Variants in TAFA2 observed in about 807,000 individuals in gnomAD.
The protein encoded by TAFA2 is chemokine-like protein TAFA-2.
Under a neutral mutation model 18.8 loss-of-function variants are expected in TAFA2, and 7 were observed. The ratio of observed to expected loss-of-function variants is 0.37; its 90% confidence interval spans 0.21 to 0.70. The LOEUF is 0.70. Ranked by LOEUF, TAFA2 falls within the 30% of genes least tolerant of loss-of-function variation. The probability of loss-of-function intolerance (pLI) is 0.53; values close to 1 mark genes in which losing one functional copy is unlikely to be tolerated. For synonymous variants in TAFA2, 60 were observed against 54.2 expected (o/e 1.11, Z -0.47); for missense variants, 122 against 158.1 (o/e 0.77, Z 1.23).
intron 1 of TAFA2, among the ~76,000 whole-genome samples, chr12:61,982,485 G>A (rs915192051): frequency 1.3e-5 from 2 of 151,908 alleles, no homozygotes; most frequent in Non-Finnish European, 2.9e-5. Flanking sequence ...AGGCACAGTG[G>A]CTCACTGTTT....
chr12:62,017,617 T>C lies in TAFA2; in HGVS notation c.-1-150191A>G, dbSNP rs542624469. ...TATTCTGGAGTGTATTTTGTTATAT[T>C]CTCCACCACTGTTTTGAACTGCAAG... On this transcript the variant is annotated intron_variant, in intron 1 of 4. Transcript: ENST00000416284. Among the ~76,000 whole-genome samples, 38 of 152,288 alleles carry C rather than the reference T, an allele frequency of 2.5e-4. 1 individual carries two copies. Among genetic ancestry groups the C allele is most frequent in the African/African-American group, 8.7e-4 (36 of 41,570 alleles).
At chr12:62,091,239 T>C (rs1294464126) in intron 1 of TAFA2, among the ~76,000 whole-genome samples, 1 of 151,952 alleles carries the variant, frequency 6.6e-6, no homozygotes, top group African/African-American at 2.4e-5. Flanking sequence ...AACTATAGCA[T>C]TTATATCTGT....
intron 1 of TAFA2, among the ~76,000 whole-genome samples, chr12:61,930,614 C>A (rs556747655): frequency 6.6e-6 from 1 of 152,346 alleles, no homozygotes; most frequent in African/African-American, 2.4e-5. Context: ...CTCTAATCAT[C>A]ACGCTCTATA....
chr12:61,927,094 A>T (rs904840036), intron 1 of TAFA2, among the ~76,000 whole-genome samples: 43 of 131,692 alleles, frequency 3.3e-4, no homozygotes, highest in African/African-American at 1.2e-3. Context: ...AAAAAAAAAA[A>T]TACAGGCACA....
At chr12:61,998,700 T>C (rs1414343384) in intron 1 of TAFA2, among the ~76,000 whole-genome samples, 1 of 152,138 alleles carries the variant, frequency 6.6e-6, no homozygotes, top group Non-Finnish European at 1.5e-5. Flanking sequence ...ACTGTAAATA[T>C]CACCTTGTAA....
intron 2 of TAFA2, among the ~76,000 whole-genome samples, chr12:61,769,958 A>T (rs993468698): frequency 1.2e-4 from 18 of 152,160 alleles, no homozygotes; most frequent in Admixed American, 1.2e-3. Flanking sequence ...GCACCAGAGA[A>T]AGGTGAATAT....
rs112202183 is a variant in TAFA2 at position 61,936,125 on chromosome 12, T to C, written c.-1-68699A>G. 7.3e-3 allele frequency among the ~76,000 whole-genome samples: 1,115 copies of C among 152,166 alleles called. 16 individuals carry two copies. The highest frequency in any genetic ancestry group is 0.026 in the African/African-American group (1,059 of 41,518). On this transcript the variant is annotated intron_variant, in intron 1 of 4. Coordinates refer to ENST00000416284, the MANE Select transcript of TAFA2 (RefSeq NM_178539.5). ...AACCAATAACACATAAAAAAGATAA[T>C]ATACTATGATCTAATGGGTTTCATC...
chr12:62,081,961 C>A (rs528843295), intron 1 of TAFA2, among the ~76,000 whole-genome samples: 1 of 151,502 alleles, frequency 6.6e-6, no homozygotes, highest in Admixed American at 6.6e-5. Flanking sequence ...CCACCCCCGA[C>A]AGGCCCCAGT....
intron 1 of TAFA2, among the ~76,000 whole-genome samples, chr12:62,242,046 A>T (rs1358402647): frequency 1.3e-5 from 2 of 152,224 alleles, no homozygotes; most frequent in African/African-American, 4.8e-5. Context: ...AAAAAAGGAA[A>T]ATAAAGAGAA....
intron 1 of TAFA2, among the ~76,000 whole-genome samples, chr12:61,904,115 A>G (rs1876235758): frequency 6.6e-6 from 1 of 152,158 alleles, no homozygotes; most frequent in African/African-American, 2.4e-5. Context: ...TATCAACTAC[A>G]TTATTAATCT....
In TAFA2 at chr12:61,958,014, C is replaced by G. The variant is rs192355063; in HGVS notation, c.-1-90588G>C. Reference sequence around the variant, plus strand: ...ACCTCCATCTACAATAGCATCTCACCCCAGCTCCTCAGTTAACCTACATTA... The same window carrying G: ...ACCTCCATCTACAATAGCATCTCACGCCAGCTCCTCAGTTAACCTACATTA... On this transcript the variant is annotated intron_variant, in intron 1 of 4. Transcript: ENST00000416284. 2.2e-4 allele frequency among the ~76,000 whole-genome samples: 33 copies of G among 152,172 alleles called. No individual in the cohort carries two copies. In the East Asian group the frequency reaches 4.3e-3, roughly 20 times the overall value.
chr12:62,172,584 A>G (rs1218732752), intron 1 of TAFA2, among the ~76,000 whole-genome samples: 1 of 152,224 alleles, frequency 6.6e-6, no homozygotes, highest in Non-Finnish European at 1.5e-5. Flanking sequence ...TTTCTGTGAC[A>G]TTCATGATGG....
At chr12:62,095,035 T>C (rs1408677586) in intron 1 of TAFA2, among the ~76,000 whole-genome samples, 1 of 152,238 alleles carries the variant, frequency 6.6e-6, no homozygotes, top group Admixed American at 6.5e-5. Context: ...ATTATTCCTG[T>C]TTATCTAACC....
At chr12:62,220,979 C>A (rs1455906270) in intron 1 of TAFA2, among the ~76,000 whole-genome samples, 1 of 151,798 alleles carries the variant, frequency 6.6e-6, no homozygotes, top group South Asian at 2.1e-4. Context: ...TGGTAGCGGG[C>A]GCCTGTAGTC....
chr12:62,194,149 C>G (rs1268134423), upstream of TAFA2, among the ~76,000 whole-genome samples: 1 of 152,142 alleles, frequency 6.6e-6, no homozygotes, highest in East Asian at 1.9e-4. Flanking sequence ...TTTTAAAACA[C>G]CTGGCACTGT....
intron 1 of TAFA2, among the ~76,000 whole-genome samples, chr12:62,174,940 C>A (rs973955113): frequency 6.6e-6 from 1 of 152,080 alleles, no homozygotes; most frequent in Non-Finnish European, 1.5e-5. Flanking sequence ...TTATAAACTC[C>A]GAGAGTAATG....
chr12:61,886,510 A>T (rs1268040602), intron 1 of TAFA2, among the ~76,000 whole-genome samples: 2 of 152,030 alleles, frequency 1.3e-5, no homozygotes, highest in African/African-American at 4.8e-5. Context: ...TCTGGGCTGT[A>T]TTGCTTTTGC....
At chr12:62,020,667 C>T (rs1464048697) in intron 1 of TAFA2, among the ~76,000 whole-genome samples, 5 of 152,140 alleles carry the variant, frequency 3.3e-5, no homozygotes, top group African/African-American at 1.2e-4. Flanking sequence ...ATACTACAGG[C>T]AACAGCTACT....
rs1248942920 is a variant in TAFA2 at position 61,849,696 on chromosome 12, C to T, written c.106+17624G>A. Among the ~76,000 whole-genome samples the T allele has an allele frequency of 3.9e-5, 6 of 152,218 alleles. No individual in the cohort carries two copies. The East Asian group carries it at 7.7e-4, about 20-fold the overall frequency. ...CGTTTTAGTGACTTGATAAGGAAGG[C>T]GTTCACAGAGCCAAGACTAAAAGCC... On this transcript the variant is annotated intron_variant, in intron 2 of 4. Transcript: ENST00000416284.
Sources: allele counts gnomAD v4.1 joint callset (sites outside exome capture counted in the v4.1 genomes callset), GRCh38; gene constraint gnomAD v4.1.1; transcripts MANE v1.5; gene names NCBI Gene and HGNC (gene_info 2026-07-23, HGNC 2026-07-21).